Variants in LIMS1 observed in about 807,000 individuals in gnomAD.
LIMS1 encodes LIM zinc finger domain containing 1, also known as LIM and senescent cell antigen-like-containing domain protein 1.
A neutral mutation model predicts 44.1 loss-of-function variants in LIMS1; 18 were observed. The observed-to-expected ratio is 0.41, with a 90% confidence interval of 0.28 to 0.61. LIMS1 has a LOEUF of 0.61. LIMS1 is among the 20% of genes least tolerant of loss of function. The pLI, the probability that LIMS1 is intolerant of heterozygous loss-of-function variation, is 0.32. For missense variants in LIMS1, 201 were observed against 422.0 expected, an observed-to-expected ratio of 0.48 and a Z score of 4.59; for synonymous variants, 93 against 149.1, an observed-to-expected ratio of 0.62 and a Z score of 2.74.
chr2:108,547,912 G>A (rs909589444), intron 1 of LIMS1, among the ~76,000 whole-genome samples: 1 of 152,238 alleles, frequency 6.6e-6, no homozygotes, highest in Admixed American at 6.5e-5. Context: ...TGGAGATGGA[G>A]TAATTCATCC....
At chr2:108,681,967 G>A (rs1370932448) in intron 9 of LIMS1, among the ~76,000 whole-genome samples, 1 of 151,844 alleles carries the variant, frequency 6.6e-6, no homozygotes, top group African/African-American at 2.4e-5. Context: ...ATCTTCTTCT[G>A]TGATGTTCGA....
At chr2:108,645,937 A>G (rs1690035124) in intron 1 of LIMS1, among the ~76,000 whole-genome samples, 2 of 152,330 alleles carry the variant, frequency 1.3e-5, no homozygotes, top group South Asian at 2.1e-4. Flanking sequence ...CAGTGCAACA[A>G]GAAGAGCTAA....
intron 9 of LIMS1, among the ~76,000 whole-genome samples, chr2:108,682,487 G>A (rs1693075329): frequency 1.3e-5 from 2 of 152,090 alleles, no homozygotes; most frequent in Non-Finnish European, 2.9e-5. Context: ...GCGACAGAGT[G>A]AGACTCTGTC....
In LIMS1 at chr2:108,599,265, C is replaced by A. The variant is rs1228524823; in HGVS notation, c.33-60340C>A. 3.3e-5 allele frequency among the ~76,000 whole-genome samples: 5 copies of A among 152,066 alleles called. No individual in the cohort carries two copies. The East Asian group carries it at 7.7e-4, about 23-fold the overall frequency. ...AGTTAAATTGTTTTGATTTTTAGAT[C>A]CCAAAAATAAGTGAGAACAAATGAT... On this transcript the variant is annotated intron_variant, in intron 1 of 9. Transcript: ENST00000544547.
rs183174639 is a variant in LIMS1 at position 108,625,424 on chromosome 2, C to T, written c.33-34181C>T. On this transcript the variant is annotated intron_variant, in intron 1 of 9. Coordinates refer to ENST00000544547, the Ensembl canonical transcript of LIMS1. Reference sequence around the variant, plus strand: ...CTTCACAGAAAACCTGGGCTGACCCCTGGTCTAGTGCTGAGATAAGAACTC... The same window carrying T: ...CTTCACAGAAAACCTGGGCTGACCCTTGGTCTAGTGCTGAGATAAGAACTC... 2.1e-3 allele frequency among the ~76,000 whole-genome samples: 317 copies of T among 152,286 alleles called. 3 individuals are homozygous for T. Among genetic ancestry groups the T allele is most frequent in the African/African-American group, 7.3e-3 (303 of 41,554 alleles).
intron 1 of LIMS1, among the ~76,000 whole-genome samples, chr2:108,550,672 C>T (rs1364671620): frequency 6.6e-5 from 10 of 150,926 alleles, no homozygotes; most frequent in East Asian, 3.9e-4. Context: ...AAAAATTAGT[C>T]GGGCGTCGTG....
intron 1 of LIMS1, among the ~76,000 whole-genome samples, chr2:108,651,289 T>C (rs1425097678): frequency 6.6e-6 from 1 of 152,214 alleles, no homozygotes; most frequent in African/African-American, 2.4e-5. Flanking sequence ...GGGTCATCAG[T>C]TCCTAGGGAG....
chr2:108,611,804 G>A (rs1228616180), intron 1 of LIMS1, among the ~76,000 whole-genome samples: 1 of 144,332 alleles, frequency 6.9e-6, no homozygotes, highest in African/African-American at 2.5e-5. Flanking sequence ...CTTGAGCCAG[G>A]GAGGCAGAAG....
At chr2:108,665,294 C>A (rs1486268350) in intron 2 of LIMS1, among the ~76,000 whole-genome samples, 2 of 152,140 alleles carry the variant, frequency 1.3e-5, no homozygotes, top group Non-Finnish European at 2.9e-5. Context: ...AGGCTACAAA[C>A]CTGTACAGCA....
chr2:108,681,664 T>C lies in LIMS1; in HGVS notation c.899+894T>C, dbSNP rs958064046. 9.4e-6 allele frequency: 8 copies of C among 854,182 alleles called. No individual in the cohort carries two copies. The African/African-American group carries it at 1.5e-4, about 16-fold the overall frequency. 52.9% of individuals were successfully genotyped at this position (854,182 alleles called of 1,614,324 possible). A position where few individuals can be genotyped will look rare whatever the true frequency, so the allele number is the denominator to read the frequency against. On this transcript the variant is annotated intron_variant, in intron 9 of 9. Transcript: ENST00000544547. ...GGCGAGGCATGGTGGCTCACGCCTG[T>C]AATCCCAGCACTTTAGGAAGGCAGA...
chr2:108,622,445 C>T (rs796782180), intron 1 of LIMS1, among the ~76,000 whole-genome samples: 6 of 152,260 alleles, frequency 3.9e-5, no homozygotes, highest in African/African-American at 1.4e-4. Flanking sequence ...ACTACAGTAA[C>T]TGTAATTTGC....
intron 1 of LIMS1, among the ~76,000 whole-genome samples, chr2:108,657,562 T>C (rs1690979146): frequency 1.3e-5 from 2 of 152,270 alleles, no homozygotes; most frequent in Admixed American, 1.3e-4. Context: ...CTCCAGAGTT[T>C]TGTAAAACTG....
chr2:108,597,233 T>G (rs546237890), intron 1 of LIMS1, among the ~76,000 whole-genome samples: 28 of 152,216 alleles, frequency 1.8e-4, no homozygotes, highest in African/African-American at 6.5e-4. Context: ...TGACCTTTTT[T>G]TTTATTCACA....
intron 8 of LIMS1, among the ~76,000 whole-genome samples, chr2:108,679,909 C>T (rs897733819): frequency 4.6e-5 from 7 of 151,400 alleles, no homozygotes; most frequent in African/African-American, 1.7e-4. Flanking sequence ...GTCTGAAAAA[C>T]AAAAGAAAAG....
intron 9 of LIMS1, chr2:108,681,215 C>G (rs1472399639): frequency 3.2e-6 from 4 of 1,252,156 alleles, no homozygotes; most frequent in South Asian, 3.7e-5. Context: ...TTTCTTCCCC[C>G]CCTGCAACTT....
rs71381966 is a variant in LIMS1, at chr2:108,549,279, C to CTTTTTTTTTTT, written c.32+14708_32+14718dup. Among the ~76,000 whole-genome samples, 27 of 55,796 alleles carry CTTTTTTTTTTT rather than the reference C, an allele frequency of 4.8e-4. 1 individual carries two copies. Among genetic ancestry groups the CTTTTTTTTTTT allele is most frequent in the Admixed American group, 8.9e-4 (3 of 3,374 alleles). The allele number at this position is 55,796 out of a possible 152,430, so 36.6% of individuals were successfully genotyped here. A position where few individuals can be genotyped will look rare whatever the true frequency, so the allele number is the denominator to read the frequency against. ...ATAATAATGTACAAGTAAAGTGTTT[C>CTTTTTTTTTTT]TTTTTTTTTTTTTTTTTTTTTTTTT... is the stretch of plus-strand genomic sequence containing the variant. On this transcript the variant is annotated intron_variant, in intron 1 of 9. Coordinates refer to ENST00000544547, the Ensembl canonical transcript of LIMS1.
At chr2:108,641,108 G>A (rs1212862977) in intron 1 of LIMS1, among the ~76,000 whole-genome samples, 1 of 152,172 alleles carries the variant, frequency 6.6e-6, no homozygotes, top group Non-Finnish European at 1.5e-5. Flanking sequence ...ACCACTGACA[G>A]GATCTAATTC....
chr2:108,643,813 T>C (rs1689878249), intron 1 of LIMS1, among the ~76,000 whole-genome samples: 1 of 152,198 alleles, frequency 6.6e-6, no homozygotes, highest in African/African-American at 2.4e-5. Context: ...CGACCTGGGA[T>C]GCTCCAGCTT....
intron 1 of LIMS1, chr2:108,659,280 G>C: frequency 7.6e-6 from 3 of 396,916 alleles, no homozygotes; most frequent in Non-Finnish European, 1.0e-5. Context: ...CCAATTCCTT[G>C]AGAGCAGCTT....
Sources: gnomAD v4.1 joint callset for allele counts (sites outside exome capture counted in the v4.1 genomes callset) on GRCh38, gnomAD v4.1.1 for gene constraint, MANE v1.5 for transcripts, NCBI Gene and HGNC (gene_info 2026-07-23, HGNC 2026-07-21) for gene names.